FBXW7: variants seen among roughly 807,000 people sequenced by gnomAD.
The protein encoded by FBXW7 is F-box/WD repeat-containing protein 7.
In FBXW7, 11 loss-of-function variants were observed where a neutral mutation model predicts 86.3. That is an observed-to-expected ratio of 0.13 (90% CI 0.08 to 0.21). The LOEUF (loss-of-function observed/expected upper bound fraction) is 0.21. Ranked by LOEUF, FBXW7 falls within the 10% of genes least tolerant of loss-of-function variation. The probability of loss-of-function intolerance (pLI) is 1.00; values close to 1 mark genes in which losing one functional copy is unlikely to be tolerated. For missense variants in FBXW7, 488 were observed against 847.4 expected (o/e 0.58, Z 5.27); for synonymous variants, 313 against 297.9 (o/e 1.05, Z -0.52).
intron 6 of FBXW7, among the ~76,000 whole-genome samples, chr4:152,344,134 C>A (rs916326480): frequency 6.6e-6 from 1 of 152,162 alleles, no homozygotes; most frequent in Non-Finnish European, 1.5e-5. Context: ...AACTCTCTCA[C>A]ATAGGTCAAC....
At chr4:152,483,399 GAA>G (rs79957505) in intron 2 of FBXW7, among the ~76,000 whole-genome samples, 2 of 136,746 alleles carry the variant, frequency 1.5e-5, no homozygotes, top group Admixed American at 7.3e-5. Context: ...TCTTTATAGG[GAA>G]AAAAAAAAAA....
chr4:152,371,733 T>C (rs963831353), intron 4 of FBXW7, among the ~76,000 whole-genome samples: 5 of 151,994 alleles, frequency 3.3e-5, no homozygotes, highest in African/African-American at 1.2e-4. Context: ...GAAAGGACTT[T>C]TTTTCCTGTT....
chr4:152,399,627 T>C (rs1353093250), intron 4 of FBXW7, among the ~76,000 whole-genome samples: 2 of 152,132 alleles, frequency 1.3e-5, no homozygotes, highest in African/African-American at 4.8e-5. Context: ...ATAAGATTAA[T>C]ATATAATAAG....
intron 2 of FBXW7, among the ~76,000 whole-genome samples, chr4:152,475,344 T>C (rs1358516387): frequency 6.6e-6 from 1 of 151,920 alleles, no homozygotes; most frequent in Non-Finnish European, 1.5e-5. Flanking sequence ...GGAAGACCAC[T>C]TGGGCCCAAC....
At chr4:152,524,737 C>T (rs895337188) in intron 2 of FBXW7, among the ~76,000 whole-genome samples, 3 of 152,068 alleles carry the variant, frequency 2.0e-5, no homozygotes, top group African/African-American at 7.2e-5. Flanking sequence ...TCTCTTCTCC[C>T]GCTCATTTAT....
At chr4:152,440,031 C>T (rs1740746983) in intron 2 of FBXW7, among the ~76,000 whole-genome samples, 7 of 152,078 alleles carry the variant, frequency 4.6e-5, no homozygotes, top group South Asian at 4.1e-4. Flanking sequence ...CAACATATTG[C>T]CCATTTTTGT....
intron 2 of FBXW7, among the ~76,000 whole-genome samples, chr4:152,477,021 A>G (rs543104858): frequency 6.6e-6 from 1 of 151,938 alleles, no homozygotes; most frequent in Non-Finnish European, 1.5e-5. Flanking sequence ...TCCTCTTCAC[A>G]CTACTATATG....
intron 4 of FBXW7, among the ~76,000 whole-genome samples, chr4:152,394,596 G>C (rs536297050): frequency 2.2e-4 from 34 of 152,038 alleles, no homozygotes; most frequent in Non-Finnish European, 3.8e-4. Context: ...AGCATCTTTG[G>C]AACTAAAAAT....
chr4:152,322,194 C>G lies in FBXW7; in HGVS notation c.*687G>C. 1 of 233,362 alleles carries G rather than the reference C, an allele frequency of 4.3e-6. No homozygotes were observed. The highest frequency in any genetic ancestry group is 8.5e-6 in the Non-Finnish European group (1 of 117,916). The allele number at this position is 233,362 out of a possible 1,614,324, so 14.5% of individuals were successfully genotyped here. ...CCAGCATCAAGAATTAAATCCATCT[C>G]AGGACTCACAGAACCCAGGACAACT... On this transcript the variant is annotated 3_prime_UTR_variant, in exon 14 of 14. Coordinates refer to ENST00000281708, the MANE Select transcript of FBXW7 (RefSeq NM_001349798.2).
chr4:152,416,979 C>T (rs908097002), intron 2 of FBXW7, among the ~76,000 whole-genome samples: 1 of 152,094 alleles, frequency 6.6e-6, no homozygotes, highest in Non-Finnish European at 1.5e-5. Flanking sequence ...TTCTGTTGGT[C>T]ACTAGCTCTC....
chr4:152,533,555 G>A (rs150376302), intron 2 of FBXW7, among the ~76,000 whole-genome samples: 61 of 152,288 alleles, frequency 4.0e-4, no homozygotes, highest in African/African-American at 1.3e-3. Context: ...AGTTCCAGAG[G>A]AGGGAAAAGT....
chr4:152,365,344 T>A (rs963722672), intron 4 of FBXW7, among the ~76,000 whole-genome samples: 1 of 152,148 alleles, frequency 6.6e-6, no homozygotes, highest in African/African-American at 2.4e-5. Flanking sequence ...TAATCAGATG[T>A]TATTTCTTGA....
At chr4:152,416,403 C>T (rs1025310639) in intron 2 of FBXW7, among the ~76,000 whole-genome samples, 1 of 152,040 alleles carries the variant, frequency 6.6e-6, no homozygotes, top group Non-Finnish European at 1.5e-5. Flanking sequence ...TCTACTAAGT[C>T]ATAATAAATC....
intron 2 of FBXW7, among the ~76,000 whole-genome samples, chr4:152,478,024 CAAGT>C (rs1252289088): frequency 6.6e-6 from 1 of 151,982 alleles, no homozygotes; most frequent in African/African-American, 2.4e-5. Flanking sequence ...ATATTTTTCA[CAAGT>C]AACATCAAAA....
rs1159898237 is a variant in FBXW7, at chr4:152,423,261, C to T, written c.-119-10732G>A. On this transcript the variant is annotated intron_variant, in intron 2 of 13. Coordinates refer to ENST00000281708, the MANE Select transcript of FBXW7 (RefSeq NM_001349798.2). Reference sequence around the variant, plus strand: ...TTTAATTTATTAAAAGAAATGATTTCATGAAGAAATGCTTCCCTTATTTGC... The same window carrying T: ...TTTAATTTATTAAAAGAAATGATTTTATGAAGAAATGCTTCCCTTATTTGC... Among the ~76,000 whole-genome samples the T allele has an allele frequency of 4.6e-5, 7 of 152,244 alleles. No homozygotes were observed. In the East Asian group the frequency reaches 7.7e-4, roughly 17 times the overall value.
intron 4 of FBXW7, among the ~76,000 whole-genome samples, chr4:152,392,912 T>C (rs1251661316): frequency 6.6e-6 from 1 of 152,202 alleles, no homozygotes; most frequent in Non-Finnish European, 1.5e-5. Flanking sequence ...TTTAAAGAGT[T>C]ACTTTGGCTT....
intron 2 of FBXW7, among the ~76,000 whole-genome samples, chr4:152,476,226 G>A (rs1579304049): frequency 6.6e-6 from 1 of 152,156 alleles, no homozygotes; most frequent in Non-Finnish European, 1.5e-5. Context: ...TTCACCGAAG[G>A]AAAAGATAGT....
At chr4:152,352,381 C>G (rs2126659462) in intron 4 of FBXW7, 1 of 1,539,586 alleles carries the variant, frequency 6.5e-7, no homozygotes, top group Non-Finnish European at 8.9e-7. Flanking sequence ...TTAGAGGATA[C>G]TGCAGCCATC....
chr4:152,424,263 G>A (rs1024971507), intron 2 of FBXW7, among the ~76,000 whole-genome samples: 8 of 152,124 alleles, frequency 5.3e-5, no homozygotes, highest in Admixed American at 1.3e-4. Context: ...AGCCACCCAC[G>A]ACTTTGATGT....
Sources: allele counts gnomAD v4.1 joint callset (sites outside exome capture counted in the v4.1 genomes callset), GRCh38; gene constraint gnomAD v4.1.1; transcripts MANE v1.5; gene names NCBI Gene and HGNC (gene_info 2026-07-23, HGNC 2026-07-21).